ZNF536: variants seen among roughly 807,000 people sequenced by gnomAD.
ZNF536 encodes the protein zinc finger protein 536.
ZNF536 carries 13 observed loss-of-function variants against 84.5 expected under a neutral mutation model. That is an observed-to-expected ratio of 0.15 (90% CI 0.10 to 0.24). ZNF536 has a LOEUF of 0.24. Ranked by LOEUF, ZNF536 falls within the 10% of genes least tolerant of loss-of-function variation. The pLI, the probability that ZNF536 is intolerant of heterozygous loss-of-function variation, is 1.00. For missense variants in ZNF536, 1,536 were observed against 1,747.5 expected (o/e 0.88, Z 2.16); for synonymous variants, 811 against 742.5 (o/e 1.09, Z -1.50).
chr19:30,595,461 A>T (rs1555807735), intron 1 of ZNF536, among the ~76,000 whole-genome samples: 1 of 151,594 alleles, frequency 6.6e-6, no homozygotes, highest in Non-Finnish European at 1.5e-5. Flanking sequence ...CTATTTTTTA[A>T]TTTTTTTGTA....
At chr19:30,435,805 C>T (rs145001285) in intron 1 of ZNF536, among the ~76,000 whole-genome samples, 1 of 152,210 alleles carries the variant, frequency 6.6e-6, no homozygotes, top group African/African-American at 2.4e-5. Flanking sequence ...AGGAGAACCC[C>T]TTTGTTGCCA....
intron 2 of ZNF536, among the ~76,000 whole-genome samples, chr19:30,514,944 A>G (rs928174923): frequency 1.3e-5 from 2 of 152,038 alleles, no homozygotes; most frequent in Non-Finnish European, 2.9e-5. Context: ...TCATCTGTAC[A>G]TTGGAGATAA....
At chr19:30,518,639 A>T (rs1366305977) in intron 2 of ZNF536, among the ~76,000 whole-genome samples, 1 of 152,250 alleles carries the variant, frequency 6.6e-6, no homozygotes, top group Non-Finnish European at 1.5e-5. Context: ...AGGACATCTG[A>T]GGGAATGGAG....
intron 1 of ZNF536, among the ~76,000 whole-genome samples, chr19:30,653,071 C>T (rs890998755): frequency 2.0e-5 from 3 of 152,160 alleles, no homozygotes; most frequent in Admixed American, 2.0e-4. Flanking sequence ...GGGAAGGTGC[C>T]GTTATCTGGG....
At chr19:30,357,561 G>A (rs1196297347) in intron 3 of ZNF536, among the ~76,000 whole-genome samples, 4 of 152,158 alleles carry the variant, frequency 2.6e-5, no homozygotes, top group Admixed American at 6.5e-5. Flanking sequence ...GGCTCTTGGT[G>A]GCCTTCGTTT....
At chr19:30,598,973 T>TTTCCTTCC in intron 1 of ZNF536, among the ~76,000 whole-genome samples, 1 of 66,074 alleles carries the variant, frequency 1.5e-5, no homozygotes, top group East Asian at 4.1e-4. Context: ...CCTTCCCTCC[T>TTTCCTTCC]TCCCTCCCTC....
intron 2 of ZNF536, among the ~76,000 whole-genome samples, chr19:30,507,360 CCAAAAAA>C (rs1018449163): frequency 3.3e-5 from 5 of 151,260 alleles, no homozygotes; most frequent in East Asian, 1.9e-4. Flanking sequence ...CAAAAAAAAA[CCAAAAAA>C]CAAAAAACAA....
intron 1 of ZNF536, among the ~76,000 whole-genome samples, chr19:30,392,222 T>C (rs978007599): frequency 2.6e-5 from 4 of 152,148 alleles, no homozygotes. Flanking sequence ...AGCGCTCTCA[T>C]GGGTCTCCTC....
chr19:30,472,264 G>T (rs759691745), intron 2 of ZNF536, among the ~76,000 whole-genome samples: 5 of 150,084 alleles, frequency 3.3e-5, no homozygotes, highest in Admixed American at 6.6e-5. Context: ...GTACATTATT[G>T]GTCAGCATCT....
intron 1 of ZNF536, among the ~76,000 whole-genome samples, chr19:30,629,089 G>T (rs539976481): frequency 6.6e-6 from 1 of 152,316 alleles, no homozygotes; most frequent in African/African-American, 2.4e-5. Flanking sequence ...TATGTATGGG[G>T]CTTAGACTTT....
chr19:30,443,682 C>T lies in ZNF536; in HGVS notation c.120C>T (p.Thr40=), dbSNP rs61742740. The change falls in exon 2 of 5, where the codon ACC becomes ACT. Residue 40 remains threonine (T), a synonymous_variant. Coordinates refer to ENST00000355537, the MANE Select transcript of ZNF536 (RefSeq NM_014717.3). ...YAMSQKLHQI[T]SQLSHAFPEL... ...TGAGTCAGAAGCTGCACCAGATCACCTCCCAGCTCAGCCATGCCTTCCCCG... is the reference window on the plus strand; with the variant it reads ...TGAGTCAGAAGCTGCACCAGATCACTTCCCAGCTCAGCCATGCCTTCCCCG... The T allele has an allele frequency of 1.4e-3, 2,238 of 1,613,930 alleles. 20 individuals carry two copies. The African/African-American group carries it at 0.019, about 14-fold the overall frequency.
At chr19:30,426,321 T>C (rs1201434346) in intron 1 of ZNF536, among the ~76,000 whole-genome samples, 2 of 152,216 alleles carry the variant, frequency 1.3e-5, no homozygotes, top group African/African-American at 4.8e-5. Context: ...CATTTCATGG[T>C]GGGGGGATGT....
In ZNF536 at chr19:30,704,647, CAAAAAA is replaced by C. The variant is rs970475752; in HGVS notation, c.170-6092_170-6087del. 4.2e-3 allele frequency among the ~76,000 whole-genome samples: 223 copies of C among 53,476 alleles called. 3 individuals carry two copies. The highest frequency in any genetic ancestry group is 2.3e-3 in the Non-Finnish European group (66 of 28,728). The allele number at this position is 53,476 out of a possible 152,430, so 35.1% of individuals were successfully genotyped here. A position where few individuals can be genotyped will look rare whatever the true frequency, so the allele number is the denominator to read the frequency against. On this transcript the variant is annotated intron_variant, in intron 1 of 1. Coordinates refer to the ZNF536 transcript ENST00000592773. ...GGGCAACAAGAGTGAGAGTCCATCTCAAAAAAAAAAAAAAAAAAAAAAAGAGATAGA... is the reference window on the plus strand; with the variant it reads ...GGGCAACAAGAGTGAGAGTCCATCTCAAAAAAAAAAAAAAAAAGAGATAGA...
intron 1 of ZNF536, among the ~76,000 whole-genome samples, chr19:30,566,165 C>A (rs1017342907): frequency 6.6e-6 from 1 of 152,198 alleles, no homozygotes; most frequent in Non-Finnish European, 1.5e-5. Context: ...GGCTCCTAAC[C>A]CTGCCCCACA....
chr19:30,416,597 C>A (rs1195145652), intron 1 of ZNF536, among the ~76,000 whole-genome samples: 1 of 152,054 alleles, frequency 6.6e-6, no homozygotes, highest in East Asian at 1.9e-4. Flanking sequence ...TCACCCACCT[C>A]CTCCCTGCCC....
chr19:30,359,146 A>G (rs1192946644), intron 3 of ZNF536, among the ~76,000 whole-genome samples: 1 of 152,010 alleles, frequency 6.6e-6, no homozygotes, highest in Non-Finnish European at 1.5e-5. Flanking sequence ...TCTTTTTAAA[A>G]ATTTGTCTCT....
At chr19:30,591,549 AT>A (rs1198502964) in intron 1 of ZNF536, among the ~76,000 whole-genome samples, 1 of 152,170 alleles carries the variant, frequency 6.6e-6, no homozygotes, top group Admixed American at 6.5e-5. Context: ...CCACGATTCA[AT>A]TATCTCCACC....
upstream of ZNF536, among the ~76,000 whole-genome samples, chr19:30,368,595 C>A (rs988559590): frequency 6.6e-6 from 1 of 152,186 alleles, no homozygotes; most frequent in African/African-American, 2.4e-5. Flanking sequence ...ATTTTTCAAG[C>A]AAAAGCAGGA....
At chr19:30,280,515 T>G (rs1437798748) in intron 1 of ZNF536, among the ~76,000 whole-genome samples, 2 of 152,188 alleles carry the variant, frequency 1.3e-5, no homozygotes, top group Non-Finnish European at 2.9e-5. Context: ...TGCCCGGGGT[T>G]TGCTGTGGCC....
Sources: allele counts gnomAD v4.1 joint callset (sites outside exome capture counted in the v4.1 genomes callset), GRCh38; gene constraint gnomAD v4.1.1; transcripts MANE v1.5; gene names NCBI Gene and HGNC (gene_info 2026-07-23, HGNC 2026-07-21).